Variants in USH2A observed in about 807,000 individuals in gnomAD.
The protein encoded by USH2A is usherin.
USH2A carries 443 observed loss-of-function variants against 538.9 expected under a neutral mutation model. The ratio of observed to expected loss-of-function variants is 0.82; its 90% CI spans 0.76 to 0.89. USH2A has a LOEUF of 0.89. Among genes scored for constraint, USH2A ranks in the 40% least tolerant of loss-of-function variants. USH2A has a pLI of 0.00. For missense variants in USH2A, 6,633 were observed against 6,324.8 expected, an observed-to-expected ratio of 1.05 and a Z score of -1.65; for synonymous variants, 2,413 against 2,273.5, an observed-to-expected ratio of 1.06 and a Z score of -1.75.
At chr1:216,352,810 T>C (rs1031443351) in intron 4 of USH2A, among the ~76,000 whole-genome samples, 5 of 152,128 alleles carry the variant, frequency 3.3e-5, no homozygotes, top group African/African-American at 1.2e-4. Context: ...TGGAAATCTA[T>C]AGAAGCTCTT....
intron 38 of USH2A, among the ~76,000 whole-genome samples, chr1:215,915,939 A>G (rs1006449452): frequency 1.2e-4 from 18 of 151,496 alleles, no homozygotes; most frequent in Non-Finnish European, 2.1e-4. Flanking sequence ...TCACAACAAC[A>G]AAAAACCAAA....
intron 26 of USH2A, among the ~76,000 whole-genome samples, chr1:216,081,199 G>T (rs947543568): frequency 2.0e-5 from 3 of 152,090 alleles, no homozygotes; most frequent in African/African-American, 7.2e-5. Flanking sequence ...TAGAAATATG[G>T]TTGAAGAAAT....
chr1:215,946,928 A>T (rs1373340673), intron 37 of USH2A, among the ~76,000 whole-genome samples: 1 of 152,206 alleles, frequency 6.6e-6, no homozygotes, highest in Admixed American at 6.5e-5. Context: ...TAAGTGTAAA[A>T]TACAGACATA....
rs1219140109 is a variant in USH2A, at chr1:216,046,801, G to C, written c.6164-209C>G. ...AGAATTTGTGTCAATGATGGATGAG[G>C]AGTACTTACACTAGTTCACTTGACT... On this transcript the variant is annotated intron_variant, in intron 31 of 71. Coordinates refer to ENST00000307340, the MANE Select transcript of USH2A (RefSeq NM_206933.4). Among the ~76,000 whole-genome samples the C allele has an allele frequency of 3.3e-5, 5 of 152,102 alleles. No individual in the cohort carries two copies. The South Asian group carries it at 6.2e-4, about 19-fold the overall frequency.
At chr1:216,331,899 G>C (rs566549425) in intron 4 of USH2A, among the ~76,000 whole-genome samples, 2 of 152,078 alleles carry the variant, frequency 1.3e-5, no homozygotes, top group African/African-American at 4.8e-5. Flanking sequence ...AAAAGCAATG[G>C]GAACACTGGC....
intron 12 of USH2A, among the ~76,000 whole-genome samples, chr1:216,250,212 A>G (rs964799234): frequency 1.3e-5 from 2 of 152,164 alleles, no homozygotes; most frequent in Non-Finnish European, 2.9e-5. Flanking sequence ...AATTGCTATA[A>G]TCAAATCTAA....
chr1:215,994,589 A>C (rs1668090782), intron 34 of USH2A, among the ~76,000 whole-genome samples: 1 of 152,138 alleles, frequency 6.6e-6, no homozygotes, highest in African/African-American at 2.4e-5. Context: ...AGATGGGTTA[A>C]ATTGTGGCCT....
Position 216,130,760 on chromosome 1 carries a change from T to C in USH2A, c.4628-33547A>G, listed in dbSNP as rs113181492. On this transcript the variant is annotated intron_variant, in intron 21 of 71. Coordinates refer to ENST00000307340, the MANE Select transcript of USH2A (RefSeq NM_206933.4). ...TCCATATTTTTGCAATTGTGATTTG[T>C]GCCGCTATAAACATGTGTGTGCAAG... 4.3e-3 allele frequency among the ~76,000 whole-genome samples: 651 copies of C among 151,294 alleles called. 1 individual carries two copies. Among genetic ancestry groups the C allele is most frequent in the African/African-American group, 0.015 (625 of 41,330 alleles).
intron 61 of USH2A, among the ~76,000 whole-genome samples, chr1:215,693,118 A>G (rs868819638): frequency 1.1e-3 from 117 of 107,114 alleles, no homozygotes; most frequent in Non-Finnish European, 1.6e-3. Context: ...GTGTATGTGT[A>G]TATATATATA....
At chr1:215,803,925 C>T (rs1442899777) in intron 49 of USH2A, among the ~76,000 whole-genome samples, 1 of 152,098 alleles carries the variant, frequency 6.6e-6, no homozygotes, top group Non-Finnish European at 1.5e-5. Flanking sequence ...GGTACTGGTA[C>T]CAAAACAGAG....
chr1:216,011,938 C>T (rs1315021150), intron 32 of USH2A, among the ~76,000 whole-genome samples: 1 of 136,852 alleles, frequency 7.3e-6, no homozygotes. Flanking sequence ...CCCATATTTC[C>T]TTCTTTCCTG....
intron 55 of USH2A, among the ~76,000 whole-genome samples, chr1:215,773,448 T>C (rs987011012): frequency 2.0e-5 from 3 of 151,796 alleles, no homozygotes; most frequent in African/African-American, 7.3e-5. Context: ...AAATCTGCTT[T>C]GGTCCGCTGC....
intron 19 of USH2A, chr1:216,194,076 C>T (rs1358874325): frequency 6.6e-5 from 10 of 152,156 alleles, no homozygotes; most frequent in Admixed American, 6.6e-4. Flanking sequence ...CAATAAACCT[C>T]CTGTACTCAG....
chr1:216,282,011 G>T (rs1362839885), intron 11 of USH2A, among the ~76,000 whole-genome samples: 2 of 151,630 alleles, frequency 1.3e-5, no homozygotes, highest in Non-Finnish European at 2.9e-5. Flanking sequence ...CTTCCTTAGA[G>T]AAATATCTAT....
At chr1:216,361,245 C>G (rs921587053) in intron 4 of USH2A, among the ~76,000 whole-genome samples, 3 of 151,948 alleles carry the variant, frequency 2.0e-5, no homozygotes, top group African/African-American at 7.2e-5. Flanking sequence ...TATATAACCT[C>G]AAAAAATCTA....
chr1:215,888,802 G>A lies in USH2A; in HGVS notation c.7847C>T (p.Thr2616Ile). Reference sequence around the variant, plus strand: ...CGGTGCCCCTGGGAGTGTCCATACAGTCTGGGACTCTGGTGAAAGGGAACA... The same window carrying A: ...CGGTGCCCCTGGGAGTGTCCATACAATCTGGGACTCTGGTGAAAGGGAACA... Reference protein sequence around the residue: ...KGCSLSPESQTVWTLPGAPEG... With the variant: ...KGCSLSPESQIVWTLPGAPEG... The change falls in exon 41 of 72, where the codon ACT becomes ATT. Residue 2616 changes from threonine to isoleucine, a missense_variant. Thr to Ile is a moderately conservative substitution (Grantham distance 89). Coordinates refer to ENST00000307340, the MANE Select transcript of USH2A (RefSeq NM_206933.4). 1 of 1,614,128 alleles carries A rather than the reference G, an allele frequency of 6.2e-7. No homozygotes were observed. The highest frequency in any genetic ancestry group is 8.5e-7 in the Non-Finnish European group (1 of 1,180,012).
At chr1:216,360,753 C>A (rs185786893) in intron 4 of USH2A, among the ~76,000 whole-genome samples, 4 of 152,110 alleles carry the variant, frequency 2.6e-5, no homozygotes, top group Non-Finnish European at 5.9e-5. Flanking sequence ...TTGAACAAGT[C>A]TAACAAATAG....
chr1:216,157,964 AAAG>A (rs2033983374), intron 21 of USH2A, among the ~76,000 whole-genome samples: 1 of 152,178 alleles, frequency 6.6e-6, no homozygotes, highest in African/African-American at 2.4e-5. Flanking sequence ...TTAAAATGAA[AAAG>A]AAGAAATTTA....
At chr1:216,201,622 C>A in intron 16 of USH2A, 1 of 162,428 alleles carries the variant, frequency 6.2e-6, no homozygotes. Flanking sequence ...CCCTTCTTCC[C>A]AGTCTACAGC....
Sources: allele counts gnomAD v4.1 joint callset (sites outside exome capture counted in the v4.1 genomes callset), GRCh38; gene constraint gnomAD v4.1.1; transcripts MANE v1.5; gene names NCBI Gene and HGNC (gene_info 2026-07-23, HGNC 2026-07-21).